The following TJP1 variants were observed in gnomAD, a reference collection of about 807,000 sequenced individuals.
TJP1 encodes the protein tight junction protein 1.
TJP1 carries 43 observed loss-of-function variants against 194.2 expected under a neutral mutation model. That is an observed-to-expected ratio of 0.22 (90% CI 0.17 to 0.29). TJP1 has a LOEUF of 0.29. TJP1 is among the 10% of genes least tolerant of loss of function. The probability of loss-of-function intolerance (pLI) is 1.00; values close to 1 mark genes in which losing one functional copy is unlikely to be tolerated. For synonymous variants in TJP1, 801 were observed against 779.0 expected (o/e 1.03, Z -0.47); for missense variants, 1,971 against 2,185.7 (o/e 0.90, Z 1.96).
intron 2 of TJP1, among the ~76,000 whole-genome samples, chr15:29,773,570 G>A (rs926829937): frequency 3.3e-5 from 5 of 151,966 alleles, no homozygotes; most frequent in African/African-American, 7.3e-5. Context: ...ATTAAAAATC[G>A]CCAACTATAT....
At chr15:29,960,918 T>C (rs2056132289) in intron 1 of TJP1, among the ~76,000 whole-genome samples, 1 of 152,182 alleles carries the variant, frequency 6.6e-6, no homozygotes, top group Non-Finnish European at 1.5e-5. Flanking sequence ...TAATGCAGAA[T>C]ATTAACTCTG....
intron 2 of TJP1, among the ~76,000 whole-genome samples, chr15:29,955,003 C>T (rs2055884358): frequency 6.6e-6 from 1 of 151,980 alleles, no homozygotes; most frequent in Admixed American, 6.6e-5. Flanking sequence ...TTGCTTGAAC[C>T]CGGGAAGCAG....
intron 2 of TJP1, among the ~76,000 whole-genome samples, chr15:29,875,467 T>C (rs2052664640): frequency 6.6e-6 from 1 of 152,234 alleles, no homozygotes; most frequent in African/African-American, 2.4e-5. Flanking sequence ...TTTGCTTTTG[T>C]GCAAGTGTCT....
chr15:29,950,228 TCCA>T (rs2055685937), intron 2 of TJP1, among the ~76,000 whole-genome samples: 2 of 110,922 alleles, frequency 1.8e-5, no homozygotes, highest in Admixed American at 9.5e-5. Flanking sequence ...CACCGCTACC[TCCA>T]CCACCACCAC....
chr15:29,765,250 T>C (rs964700608), intron 5 of TJP1, among the ~76,000 whole-genome samples: 7 of 152,120 alleles, frequency 4.6e-5, no homozygotes, highest in African/African-American at 1.4e-4. Context: ...GAGGGGTAAG[T>C]AGTGAAGTAA....
intron 8 of TJP1, among the ~76,000 whole-genome samples, chr15:29,750,002 C>T (rs1394454012): frequency 6.7e-6 from 1 of 150,210 alleles, no homozygotes; most frequent in Non-Finnish European, 1.5e-5. Flanking sequence ...GCCACTGTGT[C>T]CGGCTAATTT....
intron 2 of TJP1, among the ~76,000 whole-genome samples, chr15:29,935,890 C>A (rs1737750574): frequency 1.3e-5 from 2 of 152,120 alleles, no homozygotes; most frequent in South Asian, 4.1e-4. Flanking sequence ...GGCAGATGTG[C>A]TTTGCTGGAG....
intron 8 of TJP1, among the ~76,000 whole-genome samples, chr15:29,758,294 C>T (rs1243107244): frequency 3.9e-5 from 6 of 151,918 alleles, no homozygotes; most frequent in Non-Finnish European, 7.4e-5. Flanking sequence ...TGCCTGCTTC[C>T]GTCTCAGATC....
intron 2 of TJP1, among the ~76,000 whole-genome samples, chr15:29,945,316 A>G (rs950831657): frequency 6.6e-6 from 1 of 152,218 alleles, no homozygotes; most frequent in Admixed American, 6.5e-5. Flanking sequence ...AAAAGTAAGA[A>G]CTTTTATTCT....
chr15:29,858,721 T>C (rs998598085), intron 2 of TJP1, among the ~76,000 whole-genome samples: 14 of 151,802 alleles, frequency 9.2e-5, no homozygotes, highest in Non-Finnish European at 1.5e-5. Context: ...GTTTTTGTAT[T>C]TTTTTTGTAG....
chr15:29,716,912 C>A, intron 22 of TJP1, 74 bp from the exon 23 acceptor site: 1 of 1,274,996 alleles, frequency 7.8e-7, no homozygotes, highest in Non-Finnish European at 1.1e-6. Context: ...ATATGTAAGT[C>A]TTATCTTGAC....
rs2041537334 is a variant in TJP1 at position 29,701,492 on chromosome 15, CTG to C, written c.*101_*102del. 1.3e-5 allele frequency: 12 copies of C among 898,060 alleles called. No homozygotes were observed. The highest frequency in any genetic ancestry group is 2.1e-5 in the Non-Finnish European group (12 of 579,820). The allele number at this position is 898,060 out of a possible 1,614,324, so 55.6% of individuals were successfully genotyped here. ...CAAACAAATGCCTCATACTAACAAA[CTG>C]TAGTATCAACTCTAAAAAAGGTATA... On this transcript the variant is annotated 3_prime_UTR_variant, in exon 28 of 28. Coordinates refer to ENST00000614355, the MANE Select transcript of TJP1 (RefSeq NM_001330239.4).
rs151078703 is a variant in TJP1, at chr15:29,921,988, G to A, written c.306+34244C>T. Among the ~76,000 whole-genome samples the A allele has an allele frequency of 4.7e-4, 72 of 152,058 alleles. 1 individual carries two copies. In the East Asian group the frequency reaches 0.014, roughly 29 times the overall value. ...GCCTCCCGAGTAGCTGGGATTACAG[G>A]CATGCACCACCCCGCCCAGCTAATT... On this transcript the variant is annotated intron_variant, in intron 2 of 28. Coordinates refer to the TJP1 transcript ENST00000356107.
chr15:29,835,977 A>T (rs1405829348), intron 2 of TJP1, among the ~76,000 whole-genome samples: 1 of 151,976 alleles, frequency 6.6e-6, no homozygotes, highest in East Asian at 1.9e-4. Flanking sequence ...TTCTTTTAAA[A>T]TTTTTCCAGT....
intron 2 of TJP1, among the ~76,000 whole-genome samples, chr15:29,782,896 A>G (rs1179025472): frequency 1.8e-4 from 1 of 5,596 alleles, no homozygotes. Flanking sequence ...ACACTTTTCA[A>G]AAAAAAAAAA....
At position 29,710,878 on chromosome 15, in the gene TJP1, A is replaced by G. The variant is rs1229182631; in HGVS notation, c.4325T>C (p.Val1442Ala). ...PSQYAQPSQP[V>A]TSASLHIHSK... The stretch of plus-strand genomic sequence containing the variant: ...ATGTATGTGGAGAGACGCGCTGGTG[A>G]CAGGCTGAGATGGCTGGGCATACTG... The change falls in exon 24 of 28, where the codon GTC becomes GCC. Residue 1442 changes from valine to alanine, a missense_variant. Coordinates refer to ENST00000614355, the MANE Select transcript of TJP1 (RefSeq NM_001330239.4). The G allele has an allele frequency of 6.2e-7, 1 of 1,614,112 alleles. No individual in the cohort carries two copies. The highest frequency in any genetic ancestry group is 1.1e-5 in the South Asian group (1 of 91,076).
chr15:29,943,508 A>G (rs1160540168), intron 2 of TJP1, among the ~76,000 whole-genome samples: 4 of 143,006 alleles, frequency 2.8e-5, no homozygotes, highest in Admixed American at 7.0e-5. Context: ...TGCGCCTGTA[A>G]TCTCAGCTAC....
At chr15:29,967,490 C>T (rs566439656) in intron 1 of TJP1, among the ~76,000 whole-genome samples, 95 of 152,240 alleles carry the variant, frequency 6.2e-4, no homozygotes, top group Non-Finnish European at 1.1e-3. Context: ...CTGTGTATAT[C>T]CCCATGAGGG....
chr15:29,910,365 A>G (rs1026493715), intron 2 of TJP1, among the ~76,000 whole-genome samples: 12 of 152,238 alleles, frequency 7.9e-5, no homozygotes, highest in Non-Finnish European at 1.6e-4. Context: ...GTTCATTGCT[A>G]CAATACCTGA....
Sources: allele counts gnomAD v4.1 joint callset (sites outside exome capture counted in the v4.1 genomes callset), GRCh38; gene constraint gnomAD v4.1.1; transcripts MANE v1.5; gene names NCBI Gene and HGNC (gene_info 2026-07-23, HGNC 2026-07-21).